The following GXYLT1 variants were observed in gnomAD, a reference collection of about 807,000 sequenced individuals.
The protein encoded by GXYLT1 is glycosyltransferase 8 domain containing 3.
In GXYLT1, 29 loss-of-function variants were observed where a neutral mutation model predicts 54.0. The ratio of observed to expected loss-of-function variants is 0.54; its 90% CI spans 0.40 to 0.73. GXYLT1 has a LOEUF of 0.73. Among genes scored for constraint, GXYLT1 ranks in the 30% least tolerant of loss-of-function variants. The pLI, the probability that GXYLT1 is intolerant of heterozygous loss-of-function variation, is 0.00. For synonymous variants in GXYLT1, 176 were observed against 204.1 expected (o/e 0.86, Z 1.17); for missense variants, 490 against 553.4 (o/e 0.89, Z 1.15).
chr12:42,103,698 G>T (rs543590112), intron 5 of GXYLT1, among the ~76,000 whole-genome samples: 1 of 152,082 alleles, frequency 6.6e-6, no homozygotes, highest in Non-Finnish European at 1.5e-5. Context: ...GCAAGAACAG[G>T]GTTGTTTGTA....
rs905809929 is a variant in GXYLT1 at position 42,086,003 on chromosome 12, G to C, written c.*1783C>G. 1.3e-5 allele frequency: 2 copies of C among 151,598 alleles called. No individual in the cohort carries two copies. The highest frequency in any genetic ancestry group is 4.8e-5 in the African/African-American group (2 of 41,280). The allele number at this position is 151,598 out of a possible 1,614,324, so 9.4% of individuals were successfully genotyped here. On this transcript the variant is annotated 3_prime_UTR_variant, in exon 8 of 8. Coordinates refer to ENST00000398675, the MANE Select transcript of GXYLT1 (RefSeq NM_173601.2). ...TTTTACAGACTCCCTCCTAGACACA[G>C]CATGCCAGAGTCTCCAAAGGCCTAG...
chr12:42,087,677 T>TA lies in GXYLT1; in HGVS notation c.*108dup, dbSNP rs1466617964. The TA allele has an allele frequency of 2.6e-6, 2 of 762,166 alleles. No individual in the cohort carries two copies. The highest frequency in any genetic ancestry group is 4.0e-6 in the Non-Finnish European group (2 of 494,962). The allele number at this position is 762,166 out of a possible 1,614,324, so 47.2% of individuals were successfully genotyped here. ...TTAACTTCTTTAGGAAAAAAAAAAT[T>TA]ATTCTGGAGATGAGTAATTCCTTCC... is the stretch of plus-strand genomic sequence containing the variant. On this transcript the variant is annotated 3_prime_UTR_variant, in exon 8 of 8. Transcript: ENST00000398675.
intron 3 of GXYLT1, among the ~76,000 whole-genome samples, chr12:42,118,694 C>G (rs2065511518): frequency 6.6e-6 from 1 of 152,180 alleles, no homozygotes; most frequent in Non-Finnish European, 1.5e-5. Flanking sequence ...CCTTACTGTT[C>G]TTGTGATAAC....
At chr12:42,099,984 A>C (rs1457877274) in intron 5 of GXYLT1, among the ~76,000 whole-genome samples, 1 of 152,232 alleles carries the variant, frequency 6.6e-6, no homozygotes, top group Admixed American at 6.5e-5. Flanking sequence ...ATAATCTATC[A>C]ATTTATATTT....
chr12:42,107,858 G>A (rs953941309), intron 4 of GXYLT1, among the ~76,000 whole-genome samples: 3 of 152,172 alleles, frequency 2.0e-5, no homozygotes, highest in African/African-American at 7.2e-5. Context: ...GCTACATAAA[G>A]CTTCAAGTTC....
intron 3 of GXYLT1, among the ~76,000 whole-genome samples, chr12:42,117,945 C>T (rs956185481): frequency 6.6e-6 from 1 of 152,142 alleles, no homozygotes; most frequent in African/African-American, 2.4e-5. Flanking sequence ...TTCTTCACTC[C>T]CTCTCTGAAT....
rs1312386117 is a variant in GXYLT1, at chr12:42,144,750, C to G, written c.-104G>C. ...AGCCGCGGGCGCAACAAGTTCCTCACCCGCAGCCGCCGCCGCCGCCTTGCG... is the reference window on the plus strand; with the variant it reads ...AGCCGCGGGCGCAACAAGTTCCTCAGCCGCAGCCGCCGCCGCCGCCTTGCG... On this transcript the variant is annotated 5_prime_UTR_variant, in exon 1 of 8. Coordinates refer to ENST00000398675, the MANE Select transcript of GXYLT1 (RefSeq NM_173601.2). 1.4e-5 allele frequency: 11 copies of G among 801,950 alleles called. No individual in the cohort carries two copies. The highest frequency in any genetic ancestry group is 1.7e-5 in the Non-Finnish European group (10 of 583,664). The allele number at this position is 801,950 out of a possible 1,614,324, so 49.7% of individuals were successfully genotyped here.
chr12:42,101,535 T>A (rs1338754763), intron 5 of GXYLT1, among the ~76,000 whole-genome samples: 1 of 152,088 alleles, frequency 6.6e-6, no homozygotes, highest in Non-Finnish European at 1.5e-5. Flanking sequence ...AAGAATCCTA[T>A]ATCTAAATGC....
At chr12:42,115,570 C>G (rs2065488934) in intron 3 of GXYLT1, among the ~76,000 whole-genome samples, 1 of 152,096 alleles carries the variant, frequency 6.6e-6, no homozygotes, top group Admixed American at 6.5e-5. Context: ...ATCCAACTTA[C>G]AAGGGATGTG....
chr12:42,144,009 C>A (rs1476790724), intron 1 of GXYLT1, among the ~76,000 whole-genome samples: 6 of 152,202 alleles, frequency 3.9e-5, no homozygotes, highest in Non-Finnish European at 7.3e-5. Flanking sequence ...CACTCACACA[C>A]ACACACACAA....
intron 7 of GXYLT1, among the ~76,000 whole-genome samples, chr12:42,093,283 A>G (rs772314021): frequency 2.4e-4 from 37 of 152,138 alleles, no homozygotes; most frequent in Non-Finnish European, 4.3e-4. Flanking sequence ...TTTTTAGTAG[A>G]GACAGGGTTT....
intron 3 of GXYLT1, among the ~76,000 whole-genome samples, chr12:42,111,987 G>C (rs1180640732): frequency 6.6e-6 from 1 of 152,212 alleles, no homozygotes; most frequent in Non-Finnish European, 1.5e-5. Flanking sequence ...ACCAATATCT[G>C]CTGTTCTGCA....
chr12:42,088,345 G>C (rs1468052197), intron 7 of GXYLT1, among the ~76,000 whole-genome samples: 1 of 152,064 alleles, frequency 6.6e-6, no homozygotes, highest in Non-Finnish European at 1.5e-5. Flanking sequence ...GCTGAGGCTG[G>C]AATGGAAGGA....
chr12:42,097,661 A>G (rs1407256403), intron 6 of GXYLT1, 47 bp from the exon 7 acceptor site: 15 of 1,475,338 alleles, frequency 1.0e-5, no homozygotes, highest in Non-Finnish European at 1.3e-5. Flanking sequence ...CCCTAATTCC[A>G]CAGATGTAAC....
Position 42,087,944 on chromosome 12 carries a change from A to G in GXYLT1, c.1165T>C (p.Ser389Pro). The G allele has an allele frequency of 6.7e-7, 1 of 1,488,408 alleles. No individual in the cohort carries two copies. The highest frequency in any genetic ancestry group is 9.0e-7 in the Non-Finnish European group (1 of 1,106,318). The allele number at this position is 1,488,408 out of a possible 1,614,324, so 92.2% of individuals were successfully genotyped here. A position where few individuals can be genotyped will look rare whatever the true frequency, so the allele number is the denominator to read the frequency against. The change falls in exon 8 of 8, where the codon TCT (serine) becomes CCT (proline). Residue 389 changes from serine to proline, a missense_variant. Around this residue, in one of 2 missense-constraint regions of GXYLT1, gnomAD observed 342 missense variants for 342.6 expected, o/e 1.00. Coordinates refer to ENST00000398675, the MANE Select transcript of GXYLT1 (RefSeq NM_173601.2). ...GAACGGATGTTGTCATCTTCAAAAG[A>G]ACACTAGAGAAAGAAAATTTTAAAA... ...RAVYEALRNCSFEDDNIRSLL... is the reference protein window; with the variant it reads ...RAVYEALRNCPFEDDNIRSLL...
Position 42,087,212 on chromosome 12 carries a change from T to C in GXYLT1, c.*574A>G, listed in dbSNP as rs1349572830. 1 of 152,578 alleles carries C rather than the reference T, an allele frequency of 6.6e-6. No individual in the cohort carries two copies. The highest frequency in any genetic ancestry group is 1.5e-5 in the Non-Finnish European group (1 of 68,264). The allele number at this position is 152,578 out of a possible 1,614,324, so 9.5% of individuals were successfully genotyped here. ...CTCAATTTTTAACATGCAGCTTACTTGTAATCTAAAAATAATTTTAAACAT... is the reference window on the plus strand; with the variant it reads ...CTCAATTTTTAACATGCAGCTTACTCGTAATCTAAAAATAATTTTAAACAT... On this transcript the variant is annotated 3_prime_UTR_variant, in exon 8 of 8. Transcript: ENST00000398675.
At chr12:42,113,557 G>A (rs1592113256) in intron 3 of GXYLT1, among the ~76,000 whole-genome samples, 3 of 151,114 alleles carry the variant, frequency 2.0e-5, no homozygotes, top group African/African-American at 7.4e-5. Context: ...AATGGTAAAC[G>A]GATCAATTCA....
intron 4 of GXYLT1, among the ~76,000 whole-genome samples, chr12:42,108,902 A>G (rs2065435979): frequency 6.6e-6 from 1 of 152,210 alleles, no homozygotes; most frequent in Non-Finnish European, 1.5e-5. Flanking sequence ...GTATTTAAAT[A>G]TCATAATGGT....
chr12:42,106,147 G>A (rs1212927438), intron 4 of GXYLT1, 78 bp from the exon 5 acceptor site: 5 of 952,272 alleles, frequency 5.3e-6, no homozygotes, highest in Non-Finnish European at 8.1e-6. Context: ...AATTGTGTAA[G>A]ATACACCTAA....
Sources: gnomAD v4.1 joint callset for allele counts (sites outside exome capture counted in the v4.1 genomes callset) on GRCh38, gnomAD v4.1.1 for gene constraint, gnomAD v4.1.1 regional missense constraint, MANE v1.5 for transcripts, NCBI Gene and HGNC (gene_info 2026-07-23, HGNC 2026-07-21) for gene names.